Variants in KMT2E observed in about 807,000 individuals in gnomAD.
KMT2E encodes lysine methyltransferase 2E (inactive).
In KMT2E, 30 loss-of-function variants were observed where a neutral mutation model predicts 184.6. The observed-to-expected ratio is 0.16, with a 90% confidence interval of 0.12 to 0.22. The LOEUF is 0.22. Ranked by LOEUF, KMT2E falls within the 10% of genes least tolerant of loss-of-function variation. The pLI is 1.00. For synonymous variants in KMT2E, 815 were observed against 776.5 expected, an observed-to-expected ratio of 1.05 and a Z score of -0.82; for missense variants, 2,023 against 2,237.4, an observed-to-expected ratio of 0.90 and a Z score of 1.93.
In KMT2E at chr7:105,107,841, G is replaced by A; in HGVS notation, c.3384G>A (p.Gly1128=). The A allele has an allele frequency of 1.2e-6, 2 of 1,614,120 alleles. No individual in the cohort carries two copies. Among genetic ancestry groups the A allele is most frequent in the Non-Finnish European group, 1.7e-6 (2 of 1,180,010 alleles). The change falls in exon 22 of 27, where the codon GGG becomes GGA. Residue 1128 remains glycine (G), a synonymous_variant. Coordinates refer to ENST00000311117, the MANE Select transcript of KMT2E (RefSeq NM_182931.3). ...CTGTGTTTTGTACTTCCGAAGATGG[G>A]CTTGTATCTGGTTTCGGACGGACTG... ...ETTVFCTSED[G]LVSGFGRTVN... is the part of the protein sequence containing the mutation.
chr7:105,059,978 G>GCTTTTTTTTTTT (rs1796733911), intron 3 of KMT2E, among the ~76,000 whole-genome samples: 1 of 51,764 alleles, frequency 1.9e-5, no homozygotes. Flanking sequence ...TCTTGTTGTT[G>GCTTTTTTTTTTT]TTTTTTTTTT....
At chr7:105,023,402 C>CAAAAAAAAAAAAA (rs1158885663) in intron 1 of KMT2E, among the ~76,000 whole-genome samples, 3 of 55,934 alleles carry the variant, frequency 5.4e-5, no homozygotes, top group African/African-American at 1.4e-4. Flanking sequence ...GACTCTGTCT[C>CAAAAAAAAAAAAA]AAAAAAAAAA....
intron 15 of KMT2E, among the ~76,000 whole-genome samples, chr7:105,098,654 G>C (rs1409420359): frequency 6.6e-6 from 1 of 152,032 alleles, no homozygotes; most frequent in Non-Finnish European, 1.5e-5. Flanking sequence ...ACCCTCCTCG[G>C]CCTCCCAAAG....
intron 15 of KMT2E, among the ~76,000 whole-genome samples, chr7:105,096,005 A>T (rs1362785078): frequency 6.6e-6 from 1 of 152,222 alleles, no homozygotes; most frequent in Non-Finnish European, 1.5e-5. Flanking sequence ...CTGCAACCCC[A>T]GCACTTTGGG....
intron 13 of KMT2E, among the ~76,000 whole-genome samples, chr7:105,089,681 A>G (rs1466099207): frequency 9.2e-5 from 14 of 152,166 alleles, no homozygotes; most frequent in Non-Finnish European, 4.4e-5. Context: ...CCATTCCCCA[A>G]GATATCTCAT....
chr7:105,022,495 T>C (rs1323563583), intron 1 of KMT2E, among the ~76,000 whole-genome samples: 1 of 152,196 alleles, frequency 6.6e-6, no homozygotes, highest in Non-Finnish European at 1.5e-5. Context: ...TTGTTTGCCC[T>C]TTACTATTAT....
chr7:105,109,119 C>A lies in KMT2E; in HGVS notation c.3646C>A (p.Pro1216Thr), dbSNP rs1339968770. The change falls in exon 23 of 27, where the codon CCT becomes ACT. Residue 1216 changes from proline (P) to threonine (T), a missense_variant. Physicochemically the swap from Pro to Thr is conservative, Grantham distance 38. Transcript: ENST00000311117. Reference sequence around the variant, plus strand: ...GCAGGTGGACCACACTGCTAGCCTACCTTTACCAACACCAGCTACAGTTTA... The same window carrying A: ...GCAGGTGGACCACACTGCTAGCCTAACTTTACCAACACCAGCTACAGTTTA... ...GEQVDHTASL[P>T]LPTPATVYNA... The A allele has an allele frequency of 6.2e-7, 1 of 1,614,046 alleles. No individual in the cohort carries two copies. The highest frequency in any genetic ancestry group is 1.3e-5 in the African/African-American group (1 of 74,924).
At position 105,112,251 on chromosome 7, in the gene KMT2E, T is replaced by C. The variant is rs1187921332; in HGVS notation, c.4495T>C (p.Phe1499Leu). The change falls in exon 27 of 27, where the codon TTT becomes CTT. Residue 1499 changes from phenylalanine (F) to leucine (L), a missense_variant. By Grantham distance (22) the Phe-to-Leu change is conservative. Transcript: ENST00000311117. ...GTPQREPQRN[F>L]YPAAQNLPAN... ...ACCTCAGCGAGAGCCTCAAAGAAACTTTTATCCAGCAGCACAGAACCTTCC... is the reference window on the plus strand; with the variant it reads ...ACCTCAGCGAGAGCCTCAAAGAAACCTTTATCCAGCAGCACAGAACCTTCC... 1.2e-6 allele frequency: 2 copies of C among 1,614,114 alleles called. No homozygotes were observed. Among genetic ancestry groups the C allele is most frequent in the South Asian group, 2.2e-5 (2 of 91,086 alleles).
chr7:105,026,142 G>A lies in KMT2E; in HGVS notation c.-189+11607G>A, dbSNP rs558453005. Among the ~76,000 whole-genome samples, 13 of 152,200 alleles carry A rather than the reference G, an allele frequency of 8.5e-5. No individual in the cohort carries two copies. In the East Asian group the frequency reaches 9.6e-4, roughly 11 times the overall value. ...TCTCCATGTTAACTTTGATGAACTC[G>A]CAAACATCTAGTCTCCTGTATATAT... On this transcript the variant is annotated intron_variant, in intron 1 of 26. Coordinates refer to ENST00000311117, the MANE Select transcript of KMT2E (RefSeq NM_182931.3).
intron 14 of KMT2E, among the ~76,000 whole-genome samples, chr7:105,090,784 A>T (rs1218122873): frequency 6.6e-6 from 1 of 152,200 alleles, no homozygotes; most frequent in African/African-American, 2.4e-5. Context: ...ATAAACAAAA[A>T]ACAGGAGGGA....
chr7:105,081,769 A>G lies in KMT2E; in HGVS notation c.1330A>G (p.Ile444Val), dbSNP rs1014601847. ...HSIPKGTEIT[I>V]AFDFDYGNCK... ...TATTCCAAAGGGAACTGAAATTACT[A>G]TTGCCTTTGATTTTGACTATGGAAA... Residue 444 changes from isoleucine (I) to valine (V), a missense_variant, in exon 13 of 27, where the codon ATT (isoleucine) becomes GTT (valine). Coordinates refer to ENST00000311117, the MANE Select transcript of KMT2E (RefSeq NM_182931.3). 4 of 1,492,020 alleles carry G rather than the reference A, an allele frequency of 2.7e-6. No homozygotes were observed. Among genetic ancestry groups the G allele is most frequent in the African/African-American group, 1.4e-5 (1 of 72,026 alleles). 92.4% of individuals were successfully genotyped at this position (1,492,020 alleles called of 1,614,324 possible). A position where few individuals can be genotyped will look rare whatever the true frequency, so the allele number is the denominator to read the frequency against.
Position 105,113,221 on chromosome 7 carries a change from A to G in KMT2E, c.5465A>G (p.His1822Arg), listed in dbSNP as rs1278677925. The change falls in exon 27 of 27, where the codon CAT becomes CGT. Residue 1822 changes from histidine (H) to arginine (R), a missense_variant. Transcript: ENST00000311117. ...CPHPGSVALP[H>R]GVQGPQQASP... ...CATCCTGGCTCTGTGGCCCTGCCAC[A>G]TGGGGTTCAAGGACCTCAGCAGGCA... 1 of 1,614,108 alleles carries G rather than the reference A, an allele frequency of 6.2e-7. No homozygotes were observed. Among genetic ancestry groups the G allele is most frequent in the African/African-American group, 1.3e-5 (1 of 74,948 alleles).
Position 105,107,382 on chromosome 7 carries a change from C to T in KMT2E, c.2925C>T (p.Thr975=), listed in dbSNP as rs1349023153. The change falls in exon 22 of 27, where the codon ACC becomes ACT. Residue 975 remains threonine, a synonymous_variant. Transcript: ENST00000311117. ...AACAGGGATATGACAGATCTTCAACCATGTTAACATTGGGGCCTTTTAGAA... is the reference window on the plus strand; with the variant it reads ...AACAGGGATATGACAGATCTTCAACTATGTTAACATTGGGGCCTTTTAGAA... ...YSQEGYDRSS[T]MLTLGPFRNS... 10 of 1,591,740 alleles carry T rather than the reference C, an allele frequency of 6.3e-6. No homozygotes were observed. Among genetic ancestry groups the T allele is most frequent in the Non-Finnish European group, 8.5e-6 (10 of 1,171,102 alleles).
At chr7:105,076,852 T>G (rs893472097) in intron 9 of KMT2E, 111 bp from the exon 10 acceptor site, 1 of 778,586 alleles carries the variant, frequency 1.3e-6, no homozygotes, top group African/African-American at 1.7e-5. Flanking sequence ...TATGTTCTTT[T>G]GTATAGATTG....
At chr7:105,066,688 T>G in intron 5 of KMT2E, 39 bp from the exon 6 acceptor site, 1 of 1,471,744 alleles carries the variant, frequency 6.8e-7, no homozygotes, top group Non-Finnish European at 9.4e-7. Flanking sequence ...AAGGATGACT[T>G]AAATAATATT....
intron 1 of KMT2E, among the ~76,000 whole-genome samples, chr7:105,023,001 TTAAA>T (rs1338819841): frequency 2.6e-5 from 4 of 152,192 alleles, no homozygotes; most frequent in Non-Finnish European, 5.9e-5. Context: ...GAAATGGGAT[TTAAA>T]TAGTTTCCTG....
chr7:105,108,867 C>T, intron 22 of KMT2E, 75 bp from the exon 23 acceptor site: 2 of 1,245,262 alleles, frequency 1.6e-6, no homozygotes, highest in Middle Eastern at 2.0e-4. Context: ...TCTCTTTAGA[C>T]AAAAAAGAAT....
intron 3 of KMT2E, among the ~76,000 whole-genome samples, chr7:105,050,393 C>G (rs889031230): frequency 6.6e-6 from 1 of 152,164 alleles, no homozygotes; most frequent in African/African-American, 2.4e-5. Flanking sequence ...GTCTAAGACT[C>G]AACTGCAGTC....
chr7:105,084,021 G>A (rs536296484), intron 13 of KMT2E, among the ~76,000 whole-genome samples: 1 of 152,202 alleles, frequency 6.6e-6, no homozygotes, highest in South Asian at 2.1e-4. Context: ...TAGCACGCAT[G>A]CACCCACATA....
Sources: gnomAD v4.1 joint callset for allele counts (sites outside exome capture counted in the v4.1 genomes callset) on GRCh38, gnomAD v4.1.1 for gene constraint, MANE v1.5 for transcripts, NCBI Gene and HGNC (gene_info 2026-07-23, HGNC 2026-07-21) for gene names.